Variants in ADAM18 observed in about 807,000 individuals in gnomAD.
The protein encoded by ADAM18 is ADAM metallopeptidase domain 18.
ADAM18 carries 117 observed loss-of-function variants against 94.4 expected under a neutral mutation model. The observed-to-expected ratio is 1.24, with a 90% confidence interval of 1.07 to 1.45. ADAM18 has a LOEUF of 1.45. ADAM18 is among the 40% of genes most tolerant of loss of function. The pLI, the probability that ADAM18 is intolerant of heterozygous loss-of-function variation, is 0.00. For synonymous variants in ADAM18, 327 were observed against 291.6 expected (o/e 1.12, Z -1.24); for missense variants, 936 against 880.0 (o/e 1.06, Z -0.81).
At chr8:39,595,578 T>A (rs1232951606) in intron 2 of ADAM18, among the ~76,000 whole-genome samples, 1 of 152,214 alleles carries the variant, frequency 6.6e-6, no homozygotes, top group Non-Finnish European at 1.5e-5. Context: ...TGGAGTACAG[T>A]GGCATGATCT....
chr8:39,701,199 A>G (rs994112344), intron 17 of ADAM18, among the ~76,000 whole-genome samples: 1 of 148,240 alleles, frequency 6.7e-6, no homozygotes, highest in East Asian at 2.0e-4. Flanking sequence ...AAAAATTGGC[A>G]ATTTTATCCA....
chr8:39,693,657 AGTT>A (rs1034932227), intron 17 of ADAM18, among the ~76,000 whole-genome samples: 11 of 151,162 alleles, frequency 7.3e-5, no homozygotes, highest in Non-Finnish European at 1.0e-4. Context: ...ATTTACGTTC[AGTT>A]GTTGTTTTAC....
intron 19 of ADAM18, among the ~76,000 whole-genome samples, chr8:39,726,345 C>G (rs2129581985): frequency 6.6e-6 from 1 of 151,628 alleles, no homozygotes; most frequent in South Asian, 2.1e-4. Flanking sequence ...GTAGGCTTGT[C>G]TAAACTCTTG....
chr8:39,614,047 A>T (rs1819360805), intron 6 of ADAM18, among the ~76,000 whole-genome samples: 1 of 152,234 alleles, frequency 6.6e-6, no homozygotes, highest in Non-Finnish European at 1.5e-5. Context: ...AACTTGGAAA[A>T]CATATTTGAG....
At chr8:39,650,920 T>C (rs889300499) in intron 12 of ADAM18, among the ~76,000 whole-genome samples, 1 of 152,074 alleles carries the variant, frequency 6.6e-6, no homozygotes, top group African/African-American at 2.4e-5. Context: ...GGACTGGTGC[T>C]CAGCATACAG....
chr8:39,606,320 T>C lies in ADAM18; in HGVS notation c.146T>C (p.Ile49Thr). Reference protein sequence around the residue: ...EVSERKMIYIITIDGQPYTLH... With the variant: ...EVSERKMIYITTIDGQPYTLH... ...GTTTTATTTTAGATGATTTACATCA[T>C]TACAATTGATGGACAACCTTACACT... Residue 49 changes from isoleucine (I) to threonine (T), a missense_variant, in exon 3 of 20, where the codon ATT (isoleucine) becomes ACT (threonine). Physicochemically the swap from Ile to Thr is moderately conservative, Grantham distance 89. Coordinates refer to ENST00000265707, the MANE Select transcript of ADAM18 (RefSeq NM_014237.3). 6.4e-7 allele frequency: 1 copy of C among 1,556,258 alleles called. No individual in the cohort carries two copies. Among genetic ancestry groups the C allele is most frequent in the Non-Finnish European group, 8.7e-7 (1 of 1,144,016 alleles).
rs777580479 is a variant in ADAM18 at position 39,645,417 on chromosome 8, A to G, written c.989A>G (p.Asp330Gly). 6.2e-7 allele frequency: 1 copy of G among 1,612,694 alleles called. No homozygotes were observed. The highest frequency in any genetic ancestry group is 1.7e-5 in the Admixed American group (1 of 59,934). Residue 330 changes from aspartate (D) to glycine (G), a missense_variant, in exon 11 of 20, where the codon GAT becomes GGT. Coordinates refer to ENST00000265707, the MANE Select transcript of ADAM18 (RefSeq NM_014237.3). ...LLGLNVGLTYDDITQCFCLRA... is the reference protein window; with the variant it reads ...LLGLNVGLTYGDITQCFCLRA... ...GGCCTTAATGTAGGATTAACATATG[A>G]TGACATCACTCAGTGTTTCTGTCTG...
At chr8:39,620,152 G>A in intron 6 of ADAM18, among the ~76,000 whole-genome samples, 1 of 151,346 alleles carries the variant, frequency 6.6e-6, no homozygotes. Context: ...TATGGTGCTG[G>A]GAAAACTGAA....
At chr8:39,715,928 TC>T (rs1357712922) in intron 18 of ADAM18, among the ~76,000 whole-genome samples, 2 of 151,996 alleles carry the variant, frequency 1.3e-5, no homozygotes, top group African/African-American at 2.4e-5. Flanking sequence ...GGGTGTGACT[TC>T]CTAACTCATT....
At chr8:39,675,316 C>T (rs1349138412) in intron 14 of ADAM18, among the ~76,000 whole-genome samples, 1 of 152,090 alleles carries the variant, frequency 6.6e-6, no homozygotes, top group African/African-American at 2.4e-5. Flanking sequence ...AGGCTTTGTT[C>T]GTTTCTTTTT....
intron 6 of ADAM18, among the ~76,000 whole-genome samples, chr8:39,623,315 C>T (rs753137868): frequency 9.2e-5 from 14 of 152,124 alleles, no homozygotes; most frequent in Non-Finnish European, 1.6e-4. Flanking sequence ...CATATGTGTG[C>T]AGAATTCTTT....
At chr8:39,715,957 C>T (rs1470875768) in intron 18 of ADAM18, among the ~76,000 whole-genome samples, 3 of 151,912 alleles carry the variant, frequency 2.0e-5, no homozygotes, top group African/African-American at 7.3e-5. Context: ...GCCAGCATCG[C>T]CCCCAGTAGC....
chr8:39,632,347 A>G (rs1255223352), intron 7 of ADAM18, among the ~76,000 whole-genome samples: 3 of 151,844 alleles, frequency 2.0e-5, no homozygotes, highest in African/African-American at 7.3e-5. Flanking sequence ...GTTAGCTCTT[A>G]GTTTTTGGTA....
chr8:39,631,442 T>C (rs1819928315), intron 7 of ADAM18, among the ~76,000 whole-genome samples: 2 of 151,956 alleles, frequency 1.3e-5, no homozygotes, highest in African/African-American at 4.8e-5. Context: ...ACGGAAAATG[T>C]CTCTTACTCC....
intron 2 of ADAM18, among the ~76,000 whole-genome samples, chr8:39,605,524 T>C (rs77993598): frequency 0.035 from 5,367 of 152,246 alleles, 240 homozygotes; most frequent in African/African-American, 0.11. Context: ...CATATGTATG[T>C]ATATATTAAA....
At chr8:39,647,855 A>G (rs1289327757) in intron 11 of ADAM18, among the ~76,000 whole-genome samples, 2 of 152,210 alleles carry the variant, frequency 1.3e-5, no homozygotes, top group South Asian at 2.1e-4. Context: ...GGTTGGGGCA[A>G]AGTGGCTAGG....
chr8:39,621,098 T>G lies in ADAM18; in HGVS notation c.523-8276T>G, dbSNP rs75630709. Reference sequence around the variant, plus strand: ...AAAAGCCAACATTTAAAAAATACAATTAAAGAATAGCCAAAACATTAAGAG... The same window carrying G: ...AAAAGCCAACATTTAAAAAATACAAGTAAAGAATAGCCAAAACATTAAGAG... On this transcript the variant is annotated intron_variant, in intron 6 of 19. Coordinates refer to ENST00000265707, the MANE Select transcript of ADAM18 (RefSeq NM_014237.3). Among the ~76,000 whole-genome samples the G allele has an allele frequency of 1.1e-3, 167 of 151,768 alleles. 2 individuals are homozygous for G. The East Asian group carries it at 0.03, about 27-fold the overall frequency.
intron 6 of ADAM18, 164 bp downstream of exon 6, chr8:39,610,870 A>T: frequency 7.9e-7 from 1 of 1,271,752 alleles, no homozygotes; most frequent in Non-Finnish European, 1.0e-6. Context: ...AATATTTGGA[A>T]AGTTACATAT....
intron 11 of ADAM18, among the ~76,000 whole-genome samples, chr8:39,647,567 G>C (rs539018724): frequency 1.5e-4 from 23 of 152,200 alleles, no homozygotes; most frequent in African/African-American, 5.5e-4. Context: ...ACCATTTACG[G>C]GTGTCAGGCT....
Sources: allele counts gnomAD v4.1 joint callset (sites outside exome capture counted in the v4.1 genomes callset), GRCh38; gene constraint gnomAD v4.1.1; transcripts MANE v1.5; gene names NCBI Gene and HGNC (gene_info 2026-07-23, HGNC 2026-07-21).